FGF13: variants seen among roughly 807,000 people sequenced by gnomAD.
FGF13 encodes fibroblast growth factor homologous factor 2.
In FGF13, 2 loss-of-function variants were observed where a neutral mutation model predicts 19.5. The ratio of observed to expected loss-of-function variants is 0.10; its 90% CI spans 0.04 to 0.32. The LOEUF (loss-of-function observed/expected upper bound fraction) is 0.32. Ranked by LOEUF, FGF13 falls within the 10% of genes least tolerant of loss-of-function variation. FGF13 has a pLI of 1.00. For missense variants in FGF13, 113 were observed against 192.7 expected (o/e 0.59, Z 2.45); for synonymous variants, 72 against 76.9 (o/e 0.94, Z 0.33).
chrX:138,777,563 G>A (rs1376445735), intron 3 of FGF13, among the ~76,000 whole-genome samples: 4 of 111,718 alleles, frequency 3.6e-5, no homozygotes, highest in East Asian at 2.8e-4. Context: ...GCCCAGCCAC[G>A]ACAAGTGGCC....
At chrX:138,748,007 T>C (rs896349344) in intron 3 of FGF13, among the ~76,000 whole-genome samples, 10 of 110,213 alleles carry the variant, frequency 9.1e-5, no homozygotes, top group African/African-American at 3.3e-4. Context: ...TGGGAGAGAA[T>C]TCAAATACCG....
chrX:138,979,203 A>G (rs1160806146), intron 1 of FGF13, among the ~76,000 whole-genome samples: 1 of 111,809 alleles, frequency 8.9e-6, no homozygotes, highest in African/African-American at 3.3e-5. Context: ...AGAAATTACA[A>G]TCGTTTGAAT....
chrX:138,649,045 G>T (rs1411265453), intron 3 of FGF13, among the ~76,000 whole-genome samples: 1 of 111,467 alleles, frequency 9.0e-6, no homozygotes, highest in Non-Finnish European at 1.9e-5. Context: ...AGATAATCAA[G>T]GGGGCTAAAA....
intron 3 of FGF13, among the ~76,000 whole-genome samples, chrX:138,763,053 G>A (rs933128559): frequency 9.0e-6 from 1 of 110,902 alleles, no homozygotes; most frequent in African/African-American, 3.3e-5. Context: ...ACTATAAGTA[G>A]AGAAAATGGA....
At chrX:139,050,733 G>C (rs2092301213) in intron 1 of FGF13, among the ~76,000 whole-genome samples, 1 of 112,002 alleles carries the variant, frequency 8.9e-6, no homozygotes, top group Non-Finnish European at 1.9e-5. Context: ...TTGCTTTCAT[G>C]CACGTGTTTT....
intron 1 of FGF13, among the ~76,000 whole-genome samples, chrX:139,143,394 C>G (rs891847268): frequency 8.9e-6 from 1 of 112,286 alleles, no homozygotes; most frequent in East Asian, 2.8e-4. Flanking sequence ...AGCTTCCACA[C>G]AGCAACCGCA....
At chrX:138,874,623 G>A (rs1394673192) in intron 1 of FGF13, among the ~76,000 whole-genome samples, 2 of 111,785 alleles carry the variant, frequency 1.8e-5, no homozygotes, top group Non-Finnish European at 3.8e-5. Flanking sequence ...AGCAGGATGG[G>A]TCACACTCAA....
chrX:139,083,571 T>C (rs972441106), intron 1 of FGF13, among the ~76,000 whole-genome samples: 4 of 111,994 alleles, frequency 3.6e-5, no homozygotes, highest in African/African-American at 1.3e-4. Flanking sequence ...CAAACACCTA[T>C]AGAAAGTATC....
chrX:138,729,098 C>T (rs2090208332), intron 1 of FGF13, among the ~76,000 whole-genome samples: 1 of 111,402 alleles, frequency 9.0e-6, no homozygotes, highest in Non-Finnish European at 1.9e-5. Flanking sequence ...CACATAGTGA[C>T]TTGCCTTCAA....
At chrX:139,127,709 C>T (rs1160318356) in intron 1 of FGF13, among the ~76,000 whole-genome samples, 1 of 111,574 alleles carries the variant, frequency 9.0e-6, no homozygotes, top group Non-Finnish European at 1.9e-5. Flanking sequence ...GCCAAATACC[C>T]CTTAACTTAT....
At position 138,772,843 on chromosome X, in the gene FGF13, C is replaced by T. The variant is rs141499015; in HGVS notation, c.218-63915G>A. On this transcript the variant is annotated intron_variant, in intron 3 of 6. Coordinates refer to the FGF13 transcript ENST00000436198. The stretch of plus-strand genomic sequence containing the variant: ...CAGATCCTACATAAAGCTGGTGTTA[C>T]CTTTCATATGATTAGCTCCTGATAG... Among the ~76,000 whole-genome samples the T allele has an allele frequency of 9.7e-3, 1,071 of 110,381 alleles. 12 individuals carry two copies. Among genetic ancestry groups the T allele is most frequent in the African/African-American group, 0.033 (1,006 of 30,369 alleles).
chrX:138,768,683 C>T (rs2090519575), intron 3 of FGF13, among the ~76,000 whole-genome samples: 2 of 98,431 alleles, frequency 2.0e-5, no homozygotes, highest in African/African-American at 3.9e-5. Flanking sequence ...ATATATCATA[C>T]TTATATATAA....
intron 1 of FGF13, among the ~76,000 whole-genome samples, chrX:139,110,695 T>C (rs893418211): frequency 9.8e-5 from 11 of 112,146 alleles, no homozygotes; most frequent in Non-Finnish European, 2.1e-4. Flanking sequence ...AGGCAAAGAT[T>C]ATCTTCCCAC....
intron 1 of FGF13, among the ~76,000 whole-genome samples, chrX:138,867,464 G>C (rs1479256598): frequency 9.1e-6 from 1 of 110,456 alleles, no homozygotes; most frequent in Admixed American, 9.7e-5. Context: ...CCCCAGACTG[G>C]AAAGGAGGTT....
intron 3 of FGF13, among the ~76,000 whole-genome samples, chrX:138,784,063 GA>G (rs2090671837): frequency 1.0e-5 from 1 of 97,957 alleles, no homozygotes; most frequent in Non-Finnish European, 2.0e-5. Flanking sequence ...ACTATCGCAA[GA>G]ACAAAAAACC....
At chrX:138,647,859 C>A (rs1165790507) in intron 3 of FGF13, among the ~76,000 whole-genome samples, 1 of 112,076 alleles carries the variant, frequency 8.9e-6, no homozygotes, top group Non-Finnish European at 1.9e-5. Context: ...ATGTTCAGTT[C>A]TATTTTCAAC....
At chrX:138,784,971 A>T (rs2090681126) in intron 3 of FGF13, among the ~76,000 whole-genome samples, 1 of 112,122 alleles carries the variant, frequency 8.9e-6, no homozygotes. Context: ...ATGGTTGGAC[A>T]TTTCAAATGA....
At chrX:139,162,384 T>C (rs1389051746) in intron 1 of FGF13, among the ~76,000 whole-genome samples, 1 of 112,186 alleles carries the variant, frequency 8.9e-6, no homozygotes, top group Non-Finnish European at 1.9e-5. Context: ...TTACATCTTA[T>C]ACAAAAATTA....
At chrX:138,943,806 GGGTATAACA>G (rs1487953928) in intron 1 of FGF13, among the ~76,000 whole-genome samples, 1 of 111,485 alleles carries the variant, frequency 9.0e-6, no homozygotes, top group Non-Finnish European at 1.9e-5. Flanking sequence ...CTCGGAGACA[GGGTATAACA>G]GGATAAGTGG....
Sources: allele counts gnomAD v4.1 joint callset (sites outside exome capture counted in the v4.1 genomes callset), GRCh38; gene constraint gnomAD v4.1.1; transcripts MANE v1.5; gene names NCBI Gene and HGNC (gene_info 2026-07-23, HGNC 2026-07-21).